The following CDH13 variants were observed in gnomAD, a reference collection of about 807,000 sequenced individuals.
CDH13 encodes cadherin 13.
CDH13 carries 24 observed loss-of-function variants against 63.8 expected under a neutral mutation model. The observed-to-expected ratio is 0.38, with a 90% confidence interval of 0.27 to 0.53. CDH13 has a LOEUF of 0.53. CDH13 is among the 20% of genes least tolerant of loss of function. CDH13 has a pLI of 0.85. For synonymous variants in CDH13, 503 were observed against 355.3 expected (o/e 1.42, Z -4.67); for missense variants, 1,049 against 903.1 (o/e 1.16, Z -2.07).
At chr16:83,271,783 A>C (rs2088825729) in intron 5 of CDH13, among the ~76,000 whole-genome samples, 1 of 152,226 alleles carries the variant, frequency 6.6e-6, no homozygotes, top group African/African-American at 2.4e-5. Flanking sequence ...TGTAATTTCA[A>C]GTAAATATTA....
intron 4 of CDH13, among the ~76,000 whole-genome samples, chr16:83,135,813 T>C (rs1367231130): frequency 6.6e-6 from 1 of 152,166 alleles, no homozygotes; most frequent in Non-Finnish European, 1.5e-5. Context: ...CTGTGACATA[T>C]GTATATATGA....
intron 3 of CDH13, among the ~76,000 whole-genome samples, chr16:83,033,269 T>C (rs576593717): frequency 7.2e-5 from 11 of 152,312 alleles, no homozygotes; most frequent in African/African-American, 9.6e-5. Flanking sequence ...TATGTGTGTA[T>C]ATGTATATAT....
At chr16:83,517,344 T>C (rs2074721204) in intron 7 of CDH13, among the ~76,000 whole-genome samples, 2 of 152,250 alleles carry the variant, frequency 1.3e-5, no homozygotes, top group South Asian at 4.1e-4. Context: ...CAAATTTTAG[T>C]AGGCATAGCG....
intron 5 of CDH13, among the ~76,000 whole-genome samples, chr16:83,298,047 CA>C (rs71382871): frequency 0.49 from 49,286 of 99,782 alleles, 8,112 homozygotes; most frequent in African/African-American, 0.52. Context: ...CTTGTTTCTA[CA>C]AAAAAAAAAA....
intron 10 of CDH13, chr16:83,710,120 G>A (rs1020076131): frequency 6.6e-6 from 1 of 152,178 alleles, no homozygotes; most frequent in African/African-American, 2.4e-5. Context: ...CCGGGTTGCT[G>A]GTAAAGTTCT....
chr16:83,358,057 T>A (rs1389030210), intron 6 of CDH13, among the ~76,000 whole-genome samples: 4 of 152,308 alleles, frequency 2.6e-5, no homozygotes, highest in African/African-American at 7.2e-5. Context: ...GAAAACAAAC[T>A]GTCCAGCAGA....
At chr16:83,081,308 G>A (rs1418631454) in intron 3 of CDH13, among the ~76,000 whole-genome samples, 1 of 152,144 alleles carries the variant, frequency 6.6e-6, no homozygotes, top group Non-Finnish European at 1.5e-5. Flanking sequence ...GAATGGGATA[G>A]ACATGGTCTA....
intron 7 of CDH13, among the ~76,000 whole-genome samples, chr16:83,507,459 T>C (rs1193752355): frequency 6.6e-6 from 1 of 152,214 alleles, no homozygotes; most frequent in African/African-American, 2.4e-5. Flanking sequence ...TTCTTTAAAG[T>C]AGTTTAGAAG....
intron 2 of CDH13, among the ~76,000 whole-genome samples, chr16:82,956,562 T>C (rs1473080372): frequency 6.6e-6 from 1 of 152,186 alleles, no homozygotes; most frequent in Non-Finnish European, 1.5e-5. Flanking sequence ...TTGGAACTCC[T>C]CTTGGATCAT....
chr16:82,788,183 G>C (rs1486536201), intron 1 of CDH13, among the ~76,000 whole-genome samples: 1 of 152,130 alleles, frequency 6.6e-6, no homozygotes, highest in East Asian at 1.9e-4. Flanking sequence ...TAGAGAGAGA[G>C]GAAAAAAACA....
intron 4 of CDH13, among the ~76,000 whole-genome samples, chr16:83,153,438 A>G (rs967125512): frequency 1.3e-5 from 2 of 152,144 alleles, no homozygotes; most frequent in African/African-American, 4.8e-5. Flanking sequence ...TGACTCCTAA[A>G]CCATAATTTC....
intron 1 of CDH13, among the ~76,000 whole-genome samples, chr16:82,692,092 A>G (rs1915700850): frequency 6.6e-6 from 1 of 152,220 alleles, no homozygotes; most frequent in African/African-American, 2.4e-5. Context: ...CTTCATTAGA[A>G]AAGTACATGA....
chr16:83,637,079 T>C (rs1317003697), intron 8 of CDH13, among the ~76,000 whole-genome samples: 2 of 152,260 alleles, frequency 1.3e-5, no homozygotes, highest in African/African-American at 4.8e-5. Context: ...TGTCTGTTCA[T>C]GTCCTTTGCC....
At chr16:83,768,559 AG>A (rs1914552371) in intron 11 of CDH13, among the ~76,000 whole-genome samples, 2 of 152,212 alleles carry the variant, frequency 1.3e-5, no homozygotes, top group South Asian at 4.1e-4. Context: ...CACAGAGTAA[AG>A]TGAAAGCAAG....
chr16:83,202,482 G>GCGGCTT (rs1285876654), intron 4 of CDH13, among the ~76,000 whole-genome samples: 1 of 152,156 alleles, frequency 6.6e-6, no homozygotes, highest in Admixed American at 6.5e-5. Context: ...GCTTCACAGA[G>GCGGCTT]TGAGAAACCT....
chr16:83,153,147 T>C (rs1319794510), intron 4 of CDH13, among the ~76,000 whole-genome samples: 1 of 152,158 alleles, frequency 6.6e-6, no homozygotes, highest in Non-Finnish European at 1.5e-5. Context: ...TCAATTCCCC[T>C]GAGCATTTGG....
chr16:82,846,888 G>A (rs1385796757), intron 1 of CDH13, among the ~76,000 whole-genome samples: 1 of 151,964 alleles, frequency 6.6e-6, no homozygotes, highest in Admixed American at 6.6e-5. Context: ...TAAAACAATA[G>A]CAAAAAATAA....
At chr16:83,405,068 G>C (rs1206907774) in intron 6 of CDH13, among the ~76,000 whole-genome samples, 2 of 151,712 alleles carry the variant, frequency 1.3e-5, no homozygotes, top group Non-Finnish European at 2.9e-5. Flanking sequence ...AAGCAGGTCA[G>C]TAACAGTACA....
intron 8 of CDH13, among the ~76,000 whole-genome samples, chr16:83,624,873 G>T (rs183569458): frequency 1.0e-3 from 155 of 152,330 alleles, no homozygotes; most frequent in African/African-American, 3.5e-3. Flanking sequence ...TATTCAAACA[G>T]AACCAGTTCC....
Sources: allele counts gnomAD v4.1 joint callset (sites outside exome capture counted in the v4.1 genomes callset), GRCh38; gene constraint gnomAD v4.1.1; transcripts MANE v1.5; gene names NCBI Gene and HGNC (gene_info 2026-07-23, HGNC 2026-07-21).